UNC5D: variants seen among roughly 807,000 people sequenced by gnomAD.
UNC5D encodes unc-5 netrin receptor D.
UNC5D carries 39 observed loss-of-function variants against 105.4 expected under a neutral mutation model. The observed-to-expected ratio is 0.37, with a 90% confidence interval of 0.29 to 0.48. The LOEUF is 0.48. UNC5D is among the 20% of genes least tolerant of loss of function. The pLI, the probability that UNC5D is intolerant of heterozygous loss-of-function variation, is 0.98. For synonymous variants in UNC5D, 452 were observed against 450.4 expected, an observed-to-expected ratio of 1.00 and a Z score of -0.04; for missense variants, 991 against 1,202.4, an observed-to-expected ratio of 0.82 and a Z score of 2.60.
At chr8:35,701,960 G>A (rs2131428345) in intron 7 of UNC5D, among the ~76,000 whole-genome samples, 1 of 149,800 alleles carries the variant, frequency 6.7e-6, no homozygotes, top group South Asian at 2.1e-4. Flanking sequence ...CCTAGTAACT[G>A]TGTAAGGATA....
chr8:35,415,417 T>G (rs763618360), intron 1 of UNC5D, among the ~76,000 whole-genome samples: 2 of 152,188 alleles, frequency 1.3e-5, no homozygotes, highest in East Asian at 3.8e-4. Context: ...TAAATGTATG[T>G]CATATATTAT....
intron 1 of UNC5D, among the ~76,000 whole-genome samples, chr8:35,264,070 G>A (rs1342596635): frequency 1.3e-5 from 2 of 152,066 alleles, no homozygotes; most frequent in African/African-American, 2.4e-5. Context: ...GTTTGGTCCA[G>A]GCAAAAAACA....
chr8:35,643,134 T>G (rs1822850662), intron 4 of UNC5D, among the ~76,000 whole-genome samples: 1 of 152,066 alleles, frequency 6.6e-6, no homozygotes. Context: ...GTCTTTGTTG[T>G]GGGGGGGCTG....
intron 1 of UNC5D, among the ~76,000 whole-genome samples, chr8:35,471,927 TAAAC>T (rs978757269): frequency 1.3e-4 from 20 of 151,836 alleles, no homozygotes; most frequent in African/African-American, 4.9e-4. Context: ...CTAAATAAAT[TAAAC>T]AAAACAAAAT....
chr8:35,306,070 G>A (rs1444245999), intron 1 of UNC5D, among the ~76,000 whole-genome samples: 1 of 151,880 alleles, frequency 6.6e-6, no homozygotes, highest in Non-Finnish European at 1.5e-5. Flanking sequence ...AAACAACACT[G>A]CAATAGAAGG....
chr8:35,598,542 A>G (rs890157665), intron 4 of UNC5D, among the ~76,000 whole-genome samples: 1 of 152,186 alleles, frequency 6.6e-6, no homozygotes, highest in East Asian at 1.9e-4. Flanking sequence ...CAATTCCACT[A>G]CTAGGTATAT....
chr8:35,754,239 T>G (rs1830413299), intron 13 of UNC5D, among the ~76,000 whole-genome samples: 1 of 152,180 alleles, frequency 6.6e-6, no homozygotes, highest in Non-Finnish European at 1.5e-5. Flanking sequence ...CCCTGACTTC[T>G]TAATCAAAAT....
At chr8:35,547,657 C>T (rs539152153) in intron 1 of UNC5D, among the ~76,000 whole-genome samples, 101 of 152,258 alleles carry the variant, frequency 6.6e-4, no homozygotes, top group African/African-American at 2.1e-3. Flanking sequence ...TTCCTGATTT[C>T]GGTTGTTGAC....
intron 1 of UNC5D, among the ~76,000 whole-genome samples, chr8:35,482,864 GC>G (rs1810573700): frequency 7.7e-6 from 1 of 129,190 alleles, no homozygotes; most frequent in Middle Eastern, 4.8e-3. Context: ...GAGTGATAGC[GC>G]GATCTCAGCT....
intron 1 of UNC5D, among the ~76,000 whole-genome samples, chr8:35,538,627 C>T (rs904037037): frequency 6.6e-6 from 1 of 151,444 alleles, no homozygotes; most frequent in Non-Finnish European, 1.5e-5. Flanking sequence ...GGTGGTGATT[C>T]AGACAAGCAT....
intron 1 of UNC5D, among the ~76,000 whole-genome samples, chr8:35,534,260 A>G (rs1814664820): frequency 6.6e-6 from 1 of 152,146 alleles, no homozygotes; most frequent in South Asian, 2.1e-4. Flanking sequence ...GCTGTTTGTC[A>G]GCTTTCTCTG....
At chr8:35,728,071 T>TAAAAAAAAA (rs71215643) in intron 10 of UNC5D, among the ~76,000 whole-genome samples, 2 of 41,046 alleles carry the variant, frequency 4.9e-5, no homozygotes, top group African/African-American at 2.2e-4. Context: ...TTGCTGTCTC[T>TAAAAAAAAA]AAAAAAAAAA....
chr8:35,728,388 T>C (rs1446658398), intron 10 of UNC5D, among the ~76,000 whole-genome samples: 5 of 152,114 alleles, frequency 3.3e-5, no homozygotes, highest in Non-Finnish European at 7.4e-5. Flanking sequence ...GAAATCATGA[T>C]GAACCAGAGA....
chr8:35,589,942 T>A (rs2130878217), intron 3 of UNC5D, among the ~76,000 whole-genome samples: 1 of 152,344 alleles, frequency 6.6e-6, no homozygotes, highest in Non-Finnish European at 1.5e-5. Flanking sequence ...TAGCAGTGTT[T>A]AATATTACTG....
intron 1 of UNC5D, among the ~76,000 whole-genome samples, chr8:35,484,674 T>C (rs2130021714): frequency 6.6e-6 from 1 of 152,106 alleles, no homozygotes; most frequent in East Asian, 1.9e-4. Context: ...GGGCAAAGGA[T>C]CCTGGTGCTC....
intron 1 of UNC5D, among the ~76,000 whole-genome samples, chr8:35,348,701 A>G (rs1248215158): frequency 2.6e-5 from 4 of 151,912 alleles, no homozygotes; most frequent in Admixed American, 6.6e-5. Context: ...TCCTACTATG[A>G]CAAGTAAATT....
At chr8:35,526,328 T>C (rs1456344368) in intron 1 of UNC5D, among the ~76,000 whole-genome samples, 1 of 152,082 alleles carries the variant, frequency 6.6e-6, no homozygotes. Flanking sequence ...GCTCCCTGAG[T>C]CCTTGGACAC....
chr8:35,738,872 A>G (rs1026869722), intron 11 of UNC5D, among the ~76,000 whole-genome samples: 5 of 152,210 alleles, frequency 3.3e-5, no homozygotes, highest in East Asian at 1.9e-4. Flanking sequence ...TTTGTGTTCA[A>G]TGGTCAATCA....
chr8:35,428,346 ATTTTTTTT>A (rs35131097), intron 1 of UNC5D, among the ~76,000 whole-genome samples: 3 of 92,810 alleles, frequency 3.2e-5, no homozygotes, highest in African/African-American at 4.5e-5. Flanking sequence ...ATGCCTGGCT[ATTTTTTTT>A]TTTTTTTTTT....
Sources: allele counts gnomAD v4.1 joint callset (sites outside exome capture counted in the v4.1 genomes callset), GRCh38; gene constraint gnomAD v4.1.1; transcripts MANE v1.5; gene names NCBI Gene and HGNC (gene_info 2026-07-23, HGNC 2026-07-21).